COLEC11: variants seen among roughly 807,000 people sequenced by gnomAD.
COLEC11 encodes the protein collectin-11.
COLEC11 carries 20 observed loss-of-function variants against 27.3 expected under a neutral mutation model. That is an observed-to-expected ratio of 0.73 (90% CI 0.51 to 1.06). COLEC11 has a LOEUF of 1.06. Among genes scored for constraint, COLEC11 ranks in the 50% least tolerant of loss-of-function variants. The pLI, the probability that COLEC11 is intolerant of heterozygous loss-of-function variation, is 0.00. For synonymous variants in COLEC11, 163 were observed against 154.7 expected, an observed-to-expected ratio of 1.05 and a Z score of -0.40; for missense variants, 310 against 383.0, an observed-to-expected ratio of 0.81 and a Z score of 1.59.
intron 2 of COLEC11, chr2:3,606,153 G>C (rs1439431361): frequency 1.3e-6 from 2 of 1,550,590 alleles, no homozygotes; most frequent in Non-Finnish European, 1.7e-6. Flanking sequence ...TGGCTGTGGA[G>C]AGCTGGACTT....
rs1251060461 is a variant in COLEC11 at position 3,643,723 on chromosome 2, A to C, written c.425-4A>C. 4.3e-6 allele frequency: 7 copies of C among 1,613,486 alleles called. No individual in the cohort carries two copies. Among genetic ancestry groups the C allele is most frequent in the Non-Finnish European group, 5.9e-6 (7 of 1,179,910 alleles). On this transcript the variant is annotated splice_region_variant and splice_polypyrimidine_tract_variant and intron_variant, in intron 6 of 6. Coordinates refer to ENST00000349077, the MANE Select transcript of COLEC11 (RefSeq NM_024027.5). ...TCACTTTTCAACCCTGCCTTACCCCACAGCTGTCGCCGGTGTGCGCGAGAC... is the reference window on the plus strand; with the variant it reads ...TCACTTTTCAACCCTGCCTTACCCCCCAGCTGTCGCCGGTGTGCGCGAGAC...
intron 2 of COLEC11, among the ~76,000 whole-genome samples, chr2:3,607,833 T>C (rs921918492): frequency 2.6e-5 from 4 of 152,240 alleles, no homozygotes; most frequent in African/African-American, 4.8e-5. Context: ...TAACATGCGC[T>C]GTGGGAGGTT....
intron 2 of COLEC11, among the ~76,000 whole-genome samples, chr2:3,609,402 C>A (rs1663017649): frequency 8.4e-6 from 1 of 118,406 alleles, no homozygotes. Context: ...CAGGATCTTG[C>A]TCTGTCACTC....
At chr2:3,627,126 TG>T (rs1664614232) in intron 3 of COLEC11, among the ~76,000 whole-genome samples, 1 of 152,174 alleles carries the variant, frequency 6.6e-6, no homozygotes, top group African/African-American at 2.4e-5. Context: ...CATTATGCTG[TG>T]GAGACTCACC....
chr2:3,629,302 A>G (rs928248267), intron 3 of COLEC11, among the ~76,000 whole-genome samples: 10 of 152,158 alleles, frequency 6.6e-5, no homozygotes, highest in African/African-American at 2.4e-4. Flanking sequence ...AACACCCCAA[A>G]ATAGAATATT....
intron 3 of COLEC11, chr2:3,617,506 T>C: frequency 1.4e-6 from 2 of 1,463,812 alleles, no homozygotes; most frequent in South Asian, 1.1e-5. Flanking sequence ...AAGAAGGCAA[T>C]GCTTGTGGAA....
chr2:3,637,444 G>A (rs923942359), intron 3 of COLEC11, 89 bp from the exon 4 acceptor site: 1 of 916,478 alleles, frequency 1.1e-6, no homozygotes, highest in Admixed American at 1.7e-5. Flanking sequence ...AGGAAGGAGG[G>A]CGGTCGGGTT....
At chr2:3,635,573 C>T (rs771297274) in intron 3 of COLEC11, among the ~76,000 whole-genome samples, 3 of 152,240 alleles carry the variant, frequency 2.0e-5, no homozygotes, top group African/African-American at 2.4e-5. Context: ...TCCCTTCCCT[C>T]GCACGCACTG....
Position 3,644,236 on chromosome 2 carries a change from C to A in COLEC11, c.*118C>A. 1 of 1,278,132 alleles carries A rather than the reference C, an allele frequency of 7.8e-7. No homozygotes were observed. Among genetic ancestry groups the A allele is most frequent in the Non-Finnish European group, 1.1e-6 (1 of 896,948 alleles). The allele number at this position is 1,278,132 out of a possible 1,614,324, so 79.2% of individuals were successfully genotyped here. On this transcript the variant is annotated 3_prime_UTR_variant, in exon 7 of 7. Transcript: ENST00000349077. ...TCCCTCTGTGAAGGGTGGAGGCTCA[C>A]TGAGTAGAGGGCTGTTGTCTAAACT...
At chr2:3,609,527 AT>A (rs1276395029) in intron 2 of COLEC11, among the ~76,000 whole-genome samples, 1 of 106,528 alleles carries the variant, frequency 9.4e-6, no homozygotes, top group Non-Finnish European at 2.0e-5. Context: ...ACAGCAACAC[AT>A]CCTGCTATTT....
At chr2:3,642,817 C>G (rs1048602203) in intron 5 of COLEC11, among the ~76,000 whole-genome samples, 1 of 152,192 alleles carries the variant, frequency 6.6e-6, no homozygotes, top group Non-Finnish European at 1.5e-5. Context: ...GCCTCACCCA[C>G]GGCCTGCAGG....
chr2:3,633,738 C>T (rs1322006052), intron 3 of COLEC11, among the ~76,000 whole-genome samples: 1 of 152,070 alleles, frequency 6.6e-6, no homozygotes, highest in East Asian at 1.9e-4. Context: ...TGGAATAGTG[C>T]GGTGGAGAGC....
chr2:3,611,394 T>C (rs2147876792), intron 2 of COLEC11, among the ~76,000 whole-genome samples: 1 of 152,354 alleles, frequency 6.6e-6, no homozygotes, highest in East Asian at 1.9e-4. Flanking sequence ...CTCTCCCATG[T>C]TATGAGGACC....
rs558741706 is a variant in COLEC11, at chr2:3,630,251, ATG to A, written c.203-7278_203-7277del. ...GCATATCAGGGTAGTACGTATGTGT[ATG>A]TGTACATGCATGTATGTGTGTATAG... On this transcript the variant is annotated intron_variant, in intron 3 of 6. Coordinates refer to ENST00000349077, the MANE Select transcript of COLEC11 (RefSeq NM_024027.5). 2.4e-3 allele frequency among the ~76,000 whole-genome samples: 370 copies of A among 152,268 alleles called. 1 individual carries two copies. The highest frequency in any genetic ancestry group is 4.0e-3 in the Non-Finnish European group (270 of 68,024).
intron 3 of COLEC11, among the ~76,000 whole-genome samples, chr2:3,618,798 C>A (rs1334043487): frequency 1.3e-5 from 2 of 151,880 alleles, no homozygotes; most frequent in African/African-American, 2.4e-5. Context: ...AATATTAATT[C>A]TTTTGATCCA....
chr2:3,642,707 C>T (rs918562160), intron 5 of COLEC11, among the ~76,000 whole-genome samples: 2 of 152,206 alleles, frequency 1.3e-5, no homozygotes, highest in African/African-American at 2.4e-5. Flanking sequence ...AGCCCTTGAT[C>T]GCTAGGTGGT....
At chr2:3,641,028 CATGTAGA>C (rs1187321495) in intron 5 of COLEC11, among the ~76,000 whole-genome samples, 14 of 88,310 alleles carry the variant, frequency 1.6e-4, no homozygotes, top group Non-Finnish European at 1.6e-4. Context: ...ACCCACCCAC[CATGTAGA>C]CCCCACGGTG....
chr2:3,641,718 A>T (rs1483277623), intron 5 of COLEC11, among the ~76,000 whole-genome samples: 1 of 152,066 alleles, frequency 6.6e-6, no homozygotes, highest in African/African-American at 2.4e-5. Flanking sequence ...GTGTGAGTGG[A>T]GGGGGGGTGT....
At chr2:3,635,930 G>A (rs1157505645) in intron 3 of COLEC11, among the ~76,000 whole-genome samples, 1 of 152,252 alleles carries the variant, frequency 6.6e-6, no homozygotes, top group African/African-American at 2.4e-5. Context: ...AATCAAGGCT[G>A]CATTTTATTG....
Sources: allele counts gnomAD v4.1 joint callset (sites outside exome capture counted in the v4.1 genomes callset), GRCh38; gene constraint gnomAD v4.1.1; transcripts MANE v1.5; gene names NCBI Gene and HGNC (gene_info 2026-07-23, HGNC 2026-07-21).